Variants in KCNJ3 observed in about 807,000 individuals in gnomAD.
The protein encoded by KCNJ3 is potassium inwardly rectifying channel subfamily J member 3, also known as G protein-activated inward rectifier potassium channel 1.
Under a neutral mutation model 39.2 loss-of-function variants are expected in KCNJ3, and 4 were observed. The observed-to-expected ratio is 0.10, with a 90% CI of 0.05 to 0.23. The LOEUF is 0.23. Ranked by LOEUF, KCNJ3 falls within the 10% of genes least tolerant of loss-of-function variation. The pLI, the probability that KCNJ3 is intolerant of heterozygous loss-of-function variation, is 1.00. For missense variants in KCNJ3, 276 were observed against 634.9 expected, an observed-to-expected ratio of 0.43 and a Z score of 6.08; for synonymous variants, 230 against 237.4, an observed-to-expected ratio of 0.97 and a Z score of 0.29.
At chr2:154,700,907 T>A (rs989145411) in intron 1 of KCNJ3, among the ~76,000 whole-genome samples, 12 of 152,176 alleles carry the variant, frequency 7.9e-5, no homozygotes, top group African/African-American at 2.9e-4. Context: ...TACACCACAG[T>A]GGAAAATTAT....
intron 2 of KCNJ3, among the ~76,000 whole-genome samples, chr2:154,770,230 A>C (rs1686214882): frequency 6.6e-6 from 1 of 152,174 alleles, no homozygotes; most frequent in Non-Finnish European, 1.5e-5. Context: ...GCTTCCATTT[A>C]ACTGCCCTCT....
chr2:154,778,858 A>C (rs1686384433), intron 2 of KCNJ3, among the ~76,000 whole-genome samples: 1 of 152,106 alleles, frequency 6.6e-6, no homozygotes, highest in African/African-American at 2.4e-5. Flanking sequence ...AGAAAAACTT[A>C]AGAGTTTAGG....
At chr2:154,740,535 G>A (rs1685635113) in intron 2 of KCNJ3, among the ~76,000 whole-genome samples, 1 of 151,926 alleles carries the variant, frequency 6.6e-6, no homozygotes, top group Admixed American at 6.6e-5. Flanking sequence ...CCCTAGATGA[G>A]ACTTTCCAGT....
chr2:154,709,615 C>T lies in KCNJ3; in HGVS notation c.715C>T (p.Pro239Ser). The change falls in exon 2 of 3, where the codon CCT becomes TCT. Residue 239 changes from proline to serine, a missense_variant. Physicochemically the swap from Pro to Ser is moderately conservative, Grantham distance 74. Coordinates refer to ENST00000295101, the MANE Select transcript of KCNJ3 (RefSeq NM_002239.4). Reference sequence around the variant, plus strand: ...TGTGCTTGTCTAGTCTCGGCAGACACCTGAGGGTGAGTTCCTTCCCCTTGA... The same window carrying T: ...TGTGCTTGTCTAGTCTCGGCAGACATCTGAGGGTGAGTTCCTTCCCCTTGA... ...RCKLLKSRQT[P>S]EGEFLPLDQL... The T allele has an allele frequency of 2.5e-6, 4 of 1,613,692 alleles. No individual in the cohort carries two copies. The highest frequency in any genetic ancestry group is 3.4e-6 in the Non-Finnish European group (4 of 1,179,760).
At chr2:154,737,560 C>T (rs557787391) in intron 2 of KCNJ3, among the ~76,000 whole-genome samples, 16 of 152,124 alleles carry the variant, frequency 1.1e-4, no homozygotes, top group African/African-American at 3.6e-4. Flanking sequence ...AACTATATTC[C>T]TTATGTGCAT....
intron 2 of KCNJ3, among the ~76,000 whole-genome samples, chr2:154,835,867 T>G (rs1270687342): frequency 1.3e-5 from 2 of 152,114 alleles, no homozygotes. Flanking sequence ...TTCTGAAAGG[T>G]CACCAGACCT....
intron 2 of KCNJ3, among the ~76,000 whole-genome samples, chr2:154,837,672 T>C (rs1558887169): frequency 6.6e-6 from 1 of 152,150 alleles, no homozygotes; most frequent in East Asian, 1.9e-4. Flanking sequence ...GGCACAATGC[T>C]GGGTAAGGAG....
At chr2:154,798,552 T>C (rs545867510) in intron 2 of KCNJ3, among the ~76,000 whole-genome samples, 1 of 152,282 alleles carries the variant, frequency 6.6e-6, no homozygotes, top group African/African-American at 2.4e-5. Flanking sequence ...GTGATTAACA[T>C]AGAATGGTTT....
intron 2 of KCNJ3, among the ~76,000 whole-genome samples, chr2:154,789,062 A>G (rs768282678): frequency 1.3e-5 from 2 of 152,090 alleles, no homozygotes; most frequent in East Asian, 3.9e-4. Flanking sequence ...TTATTTTTTG[A>G]TATTATAGAT....
At chr2:154,767,183 TA>T (rs1237130413) in intron 2 of KCNJ3, among the ~76,000 whole-genome samples, 1 of 147,556 alleles carries the variant, frequency 6.8e-6, no homozygotes, top group Non-Finnish European at 1.5e-5. Flanking sequence ...GTACATTCTT[TA>T]CCTTTTTTTT....
chr2:154,722,521 TATG>T (rs1685280055), intron 2 of KCNJ3, among the ~76,000 whole-genome samples: 1 of 152,132 alleles, frequency 6.6e-6, no homozygotes, highest in South Asian at 2.1e-4. Flanking sequence ...ATGACATTCA[TATG>T]GTTAGAGGTA....
chr2:154,717,454 G>C (rs1310055346), intron 2 of KCNJ3, among the ~76,000 whole-genome samples: 1 of 152,164 alleles, frequency 6.6e-6, no homozygotes. Flanking sequence ...TGTTACAATA[G>C]GCTTGACCAG....
At chr2:154,781,899 T>A (rs1686445670) in intron 2 of KCNJ3, among the ~76,000 whole-genome samples, 1 of 152,222 alleles carries the variant, frequency 6.6e-6, no homozygotes, top group African/African-American at 2.4e-5. Context: ...ATTTATTCAG[T>A]GTTTTAATTA....
intron 2 of KCNJ3, among the ~76,000 whole-genome samples, chr2:154,803,150 G>T (rs1364084899): frequency 2.6e-5 from 4 of 151,538 alleles, no homozygotes; most frequent in African/African-American, 4.8e-5. Context: ...CTTAAATTTT[G>T]CAGATTCTAT....
intron 2 of KCNJ3, among the ~76,000 whole-genome samples, chr2:154,753,108 T>A (rs1055048008): frequency 3.9e-5 from 6 of 152,088 alleles, no homozygotes; most frequent in Non-Finnish European, 7.4e-5. Flanking sequence ...TGATGTATAA[T>A]GCAATGACCA....
chr2:154,732,208 A>C (rs2105168145), intron 2 of KCNJ3, among the ~76,000 whole-genome samples: 1 of 152,222 alleles, frequency 6.6e-6, no homozygotes, highest in South Asian at 2.1e-4. Flanking sequence ...TTTTGTAAGA[A>C]GTGAGTTTTG....
At chr2:154,714,494 T>A (rs1685151249) in intron 2 of KCNJ3, among the ~76,000 whole-genome samples, 1 of 152,160 alleles carries the variant, frequency 6.6e-6, no homozygotes, top group Non-Finnish European at 1.5e-5. Context: ...CACAAAGTGC[T>A]CACAAGTCCA....
intron 2 of KCNJ3, among the ~76,000 whole-genome samples, chr2:154,739,964 G>T (rs960517104): frequency 3.3e-5 from 5 of 151,978 alleles, no homozygotes; most frequent in Non-Finnish European, 7.4e-5. Flanking sequence ...AAATAGAAAC[G>T]AGAAGCAGTG....
intron 2 of KCNJ3, among the ~76,000 whole-genome samples, chr2:154,836,022 C>CCT (rs1319195954): frequency 3.6e-4 from 55 of 152,040 alleles, no homozygotes; most frequent in East Asian, 2.9e-3. Context: ...ACCAGCCTGG[C>CCT]CAACATGGCG....
Sources: allele counts gnomAD v4.1 joint callset (sites outside exome capture counted in the v4.1 genomes callset), GRCh38; gene constraint gnomAD v4.1.1; transcripts MANE v1.5; gene names NCBI Gene and HGNC (gene_info 2026-07-23, HGNC 2026-07-21).